STARD13: variants seen among roughly 807,000 people sequenced by gnomAD.
STARD13 encodes stAR-related lipid transfer protein 13.
In STARD13, 62 loss-of-function variants were observed where a neutral mutation model predicts 106.4. The observed-to-expected ratio is 0.58, with a 90% CI of 0.48 to 0.72. The LOEUF (loss-of-function observed/expected upper bound fraction) is 0.72. STARD13 is among the 30% of genes least tolerant of loss of function. STARD13 has a pLI of 0.00. For missense variants in STARD13, 1,387 were observed against 1,424.0 expected, an observed-to-expected ratio of 0.97 and a Z score of 0.42; for synonymous variants, 565 against 553.0, an observed-to-expected ratio of 1.02 and a Z score of -0.31.
intron 12 of STARD13, 35 bp downstream of exon 12, chr13:33,109,838 G>T: frequency 1.2e-6 from 2 of 1,605,576 alleles, no homozygotes. Flanking sequence ...CCTGCCTTTG[G>T]AACAGAACAT....
chr13:33,421,505 T>A, the STARD13 span, among the ~76,000 whole-genome samples: 12 of 152,180 alleles, frequency 7.9e-5, no homozygotes, highest in Non-Finnish European at 1.5e-4. Context: ...ACAGCCGAAC[T>A]CTACCAAGGT....
chr13:33,137,261 G>C (rs1174644541), intron 4 of STARD13, among the ~76,000 whole-genome samples: 1 of 152,234 alleles, frequency 6.6e-6, no homozygotes. Flanking sequence ...AACTGTTCTA[G>C]ATTGAGCAAA....
At chr13:33,534,250 C>T in the STARD13 span, among the ~76,000 whole-genome samples, 58 of 152,154 alleles carry the variant, frequency 3.8e-4, no homozygotes, top group African/African-American at 1.3e-3. Context: ...TAGGCCTTTA[C>T]AAATTATATT....
At chr13:33,571,449 G>C in the STARD13 span, among the ~76,000 whole-genome samples, 3 of 152,176 alleles carry the variant, frequency 2.0e-5, no homozygotes, top group South Asian at 6.2e-4. Context: ...TATAATGCCT[G>C]CATTTTTCTG....
intron 1 of STARD13, among the ~76,000 whole-genome samples, chr13:33,296,284 A>T (rs536822627): frequency 1.2e-4 from 18 of 152,176 alleles, no homozygotes; most frequent in South Asian, 6.2e-4. Context: ...ATGAATGGTG[A>T]TGCGTGTGTT....
chr13:33,420,905 A>G, the STARD13 span, among the ~76,000 whole-genome samples: 1 of 152,236 alleles, frequency 6.6e-6, no homozygotes, highest in Non-Finnish European at 1.5e-5. Context: ...TTTGAAACCA[A>G]TGAGAACAAA....
Position 33,130,075 on chromosome 13 carries a change from T to C in STARD13, c.602A>G (p.Glu201Gly), listed in dbSNP as rs1593913972. 2.5e-6 allele frequency: 4 copies of C among 1,613,998 alleles called. No individual in the cohort carries two copies. Among genetic ancestry groups the C allele is most frequent in the East Asian group, 2.2e-5 (1 of 44,872 alleles). ...GCGACTGTCGCTGCCTCCACTGCTT[T>C]CGCTGTGAATGGAGCAGACCTCAGG... ...SEPEVCSIHS[E>G]SSGGSDSRSQ... The change falls in exon 5 of 14, where the codon GAA (glutamate) becomes GGA (glycine). Residue 201 changes from glutamate (E) to glycine (G), a missense_variant. Physicochemically the swap from Glu to Gly is moderately conservative, Grantham distance 98. Transcript: ENST00000336934. This position sits in a 1 kb window ranked among gnomAD's most constrained non-coding sequence, Gnocchi z 4.1.
the STARD13 span, among the ~76,000 whole-genome samples, chr13:33,455,194 C>T: frequency 2.0e-5 from 3 of 152,156 alleles, no homozygotes; most frequent in African/African-American, 7.2e-5. Flanking sequence ...AAAGGTCTGC[C>T]AACAGGAGGA....
the STARD13 span, among the ~76,000 whole-genome samples, chr13:33,578,381 G>A: frequency 6.6e-6 from 1 of 151,796 alleles, no homozygotes; most frequent in Non-Finnish European, 1.5e-5. Context: ...AAGCATAAGA[G>A]CAAATAAATT....
the STARD13 span, among the ~76,000 whole-genome samples, chr13:33,412,822 A>G: frequency 1.3e-4 from 20 of 152,326 alleles, no homozygotes; most frequent in African/African-American, 4.8e-4. Context: ...GCAAACATTG[A>G]TAGAACAAAA....
chr13:33,386,732 C>T, the STARD13 span, among the ~76,000 whole-genome samples: 1 of 152,046 alleles, frequency 6.6e-6, no homozygotes, highest in Non-Finnish European at 1.5e-5. Context: ...CCTCCAAAGT[C>T]CAGAAAATAT....
At chr13:33,533,795 G>A in the STARD13 span, among the ~76,000 whole-genome samples, 1 of 152,172 alleles carries the variant, frequency 6.6e-6, no homozygotes, top group South Asian at 2.1e-4. Context: ...CTCTGATCAT[G>A]ACTGTGAGGA....
At chr13:33,183,475 G>C (rs757178351) in intron 1 of STARD13, among the ~76,000 whole-genome samples, 6 of 152,110 alleles carry the variant, frequency 3.9e-5, no homozygotes, top group Non-Finnish European at 7.4e-5. Flanking sequence ...TTTCTCTCTT[G>C]GTCTGATGTA....
chr13:33,530,326 T>C, the STARD13 span, among the ~76,000 whole-genome samples: 2 of 152,128 alleles, frequency 1.3e-5, no homozygotes, highest in Non-Finnish European at 2.9e-5. Flanking sequence ...CAATTCTCTT[T>C]TCCTCCCACC....
the STARD13 span, among the ~76,000 whole-genome samples, chr13:33,521,315 T>C: frequency 6.6e-6 from 1 of 152,134 alleles, no homozygotes; most frequent in Non-Finnish European, 1.5e-5. Context: ...GATTGAAGAA[T>C]TTGTTTTCTA....
At chr13:33,314,774 G>T (rs1410933089) in intron 1 of STARD13, among the ~76,000 whole-genome samples, 1 of 152,078 alleles carries the variant, frequency 6.6e-6, no homozygotes, top group Non-Finnish European at 1.5e-5. Flanking sequence ...ACCACAGCTG[G>T]GTTCCTTCCC....
chr13:33,215,321 A>G (rs1566079231), intron 1 of STARD13, among the ~76,000 whole-genome samples: 1 of 152,178 alleles, frequency 6.6e-6, no homozygotes, highest in Non-Finnish European at 1.5e-5. Flanking sequence ...TTAACCCTCA[A>G]AGGCTAACAA....
Position 33,129,988 on chromosome 13 carries a change from C to A in STARD13, c.689G>T (p.Ser230Ile). The A allele has an allele frequency of 6.2e-7, 1 of 1,613,026 alleles. No homozygotes were observed. The highest frequency in any genetic ancestry group is 8.5e-7 in the Non-Finnish European group (1 of 1,179,724). ...PVMLDAPLVS[S>I]SLPQPPRDVL... Reference sequence around the variant, plus strand: ...ATCTCTGGGGGGCTGTGGGAGGCTGCTGCTGACGAGTGGGGCATCCAGCAT... The same window carrying A: ...ATCTCTGGGGGGCTGTGGGAGGCTGATGCTGACGAGTGGGGCATCCAGCAT... Residue 230 changes from serine (S) to isoleucine (I), a missense_variant, in exon 5 of 14, where the codon AGC becomes ATC. Ser to Ile is a moderately radical substitution (Grantham distance 142). Transcript: ENST00000336934.
At chr13:33,333,310 C>T (rs534041262) in intron 1 of STARD13, among the ~76,000 whole-genome samples, 1 of 152,140 alleles carries the variant, frequency 6.6e-6, no homozygotes, top group Non-Finnish European at 1.5e-5. Context: ...ATAGCTTGAA[C>T]CTGGGAGGCG....
Sources: allele counts gnomAD v4.1 joint callset (sites outside exome capture counted in the v4.1 genomes callset), GRCh38; gene constraint gnomAD v4.1.1; non-coding constraint Gnocchi (gnomAD v3.1); transcripts MANE v1.5; gene names NCBI Gene and HGNC (gene_info 2026-07-23, HGNC 2026-07-21).